The following NXPH2 variants were observed in gnomAD, a reference collection of about 807,000 sequenced individuals.
NXPH2 encodes the protein neurexophilin-2.
Under a neutral mutation model 19.8 loss-of-function variants are expected in NXPH2, and 5 were observed. That is an observed-to-expected ratio of 0.25 (90% CI 0.13 to 0.53). The LOEUF (loss-of-function observed/expected upper bound fraction) is 0.53, where lower values mean the gene tolerates loss of function less well. NXPH2 is among the 20% of genes least tolerant of loss of function. The probability of loss-of-function intolerance (pLI) is 0.96; values close to 1 mark genes in which losing one functional copy is unlikely to be tolerated. For synonymous variants in NXPH2, 154 were observed against 127.4 expected (o/e 1.21, Z -1.41); for missense variants, 289 against 322.8 (o/e 0.90, Z 0.80).
At chr2:138,773,313 C>A (rs1208314844) in intron 1 of NXPH2, among the ~76,000 whole-genome samples, 78 of 152,274 alleles carry the variant, frequency 5.1e-4, no homozygotes, top group Non-Finnish European at 7.4e-5. Flanking sequence ...ATTTCCATAG[C>A]CATATTCCTC....
At chr2:138,773,845 T>A (rs1682216661) in intron 1 of NXPH2, among the ~76,000 whole-genome samples, 1 of 152,326 alleles carries the variant, frequency 6.6e-6, no homozygotes, top group Non-Finnish European at 1.5e-5. Flanking sequence ...GACATTTACG[T>A]GCTTACAGTT....
chr2:138,680,866 G>A (rs1483484484), intron 1 of NXPH2, among the ~76,000 whole-genome samples: 1 of 152,184 alleles, frequency 6.6e-6, no homozygotes, highest in Non-Finnish European at 1.5e-5. Context: ...AATTACTAAT[G>A]AGAGTGTGAT....
chr2:138,688,109 A>C (rs1167597145), intron 1 of NXPH2, among the ~76,000 whole-genome samples: 1 of 152,146 alleles, frequency 6.6e-6, no homozygotes, highest in Non-Finnish European at 1.5e-5. Context: ...GATGGCATTG[A>C]ATCTATAAGT....
chr2:138,726,159 C>T (rs1043144142), intron 1 of NXPH2, among the ~76,000 whole-genome samples: 2 of 152,124 alleles, frequency 1.3e-5, no homozygotes, highest in African/African-American at 4.8e-5. Context: ...TCGCCTGCCT[C>T]GGCCTCCTGA....
chr2:138,717,445 G>T (rs113191990), intron 1 of NXPH2, among the ~76,000 whole-genome samples: 15 of 151,498 alleles, frequency 9.9e-5, no homozygotes, highest in African/African-American at 2.7e-4. Flanking sequence ...AGTGCCAGCC[G>T]ATTTGGTATC....
chr2:138,771,606 G>T (rs1012230447), intron 1 of NXPH2, among the ~76,000 whole-genome samples: 1 of 152,206 alleles, frequency 6.6e-6, no homozygotes, highest in South Asian at 2.1e-4. Context: ...GAGCAGGGCA[G>T]CTGGTGAAAG....
At chr2:138,746,236 T>C (rs930718418) in intron 1 of NXPH2, among the ~76,000 whole-genome samples, 1 of 152,228 alleles carries the variant, frequency 6.6e-6, no homozygotes, top group Non-Finnish European at 1.5e-5. Context: ...TATGGAGACT[T>C]CTTCACAGCT....
chr2:138,738,297 G>T (rs1403111638), intron 1 of NXPH2, among the ~76,000 whole-genome samples: 1 of 152,072 alleles, frequency 6.6e-6, no homozygotes, highest in Non-Finnish European at 1.5e-5. Flanking sequence ...ATAGCTCATG[G>T]AGGTATACTG....
At chr2:138,746,153 A>G (rs1302041594) in intron 1 of NXPH2, among the ~76,000 whole-genome samples, 3 of 152,226 alleles carry the variant, frequency 2.0e-5, no homozygotes, top group African/African-American at 7.2e-5. Context: ...CTGCACATTG[A>G]GCCTGCAATA....
At chr2:138,709,349 T>A (rs1002786040) in intron 1 of NXPH2, among the ~76,000 whole-genome samples, 1 of 152,188 alleles carries the variant, frequency 6.6e-6, no homozygotes, top group Admixed American at 6.5e-5. Context: ...AAATTTGTCA[T>A]CTTAACCATT....
intron 1 of NXPH2, among the ~76,000 whole-genome samples, chr2:138,679,489 C>T (rs1680538155): frequency 6.6e-6 from 1 of 151,862 alleles, no homozygotes; most frequent in Non-Finnish European, 1.5e-5. Context: ...CAAGCTCCAC[C>T]TCCCGGGTTC....
chr2:138,680,619 A>ACATCT (rs1420025694), intron 1 of NXPH2, among the ~76,000 whole-genome samples: 1 of 152,170 alleles, frequency 6.6e-6, no homozygotes, highest in Non-Finnish European at 1.5e-5. Context: ...ATATATATAT[A>ACATCT]CATCTCGGTA....
rs1013149184 is a variant in NXPH2, at chr2:138,732,690, G to A, written c.51+47501C>T. On this transcript the variant is annotated intron_variant, in intron 1 of 1. Coordinates refer to ENST00000272641, the MANE Select transcript of NXPH2 (RefSeq NM_007226.3). ...CTTCTTTGTCTAGGGTCTTTTAAAT[G>A]TTCCTCCTGCCAATATTCTGATTCT... Among the ~76,000 whole-genome samples the A allele has an allele frequency of 2.6e-5, 4 of 151,904 alleles. No individual in the cohort carries two copies. In the South Asian group the frequency reaches 8.3e-4, roughly 32 times the overall value.
At chr2:138,730,335 C>A (rs1042995260) in intron 1 of NXPH2, among the ~76,000 whole-genome samples, 1 of 152,062 alleles carries the variant, frequency 6.6e-6, no homozygotes, top group Non-Finnish European at 1.5e-5. Context: ...ATTGGGATTA[C>A]AGGTGTAAGC....
At chr2:138,779,821 T>C (rs1348932933) in intron 1 of NXPH2, among the ~76,000 whole-genome samples, 1 of 152,180 alleles carries the variant, frequency 6.6e-6, no homozygotes, top group Non-Finnish European at 1.5e-5. Context: ...CCTCTCAAAC[T>C]GTGAACAGGA....
At chr2:138,713,916 C>T (rs564079442) in intron 1 of NXPH2, among the ~76,000 whole-genome samples, 41 of 151,480 alleles carry the variant, frequency 2.7e-4, no homozygotes, top group African/African-American at 9.2e-4. Flanking sequence ...CCTATTGGCA[C>T]ATTCCTATTC....
chr2:138,692,451 C>G (rs778416455), intron 1 of NXPH2, among the ~76,000 whole-genome samples: 8 of 152,162 alleles, frequency 5.3e-5, no homozygotes, highest in African/African-American at 1.9e-4. Context: ...GCAACCCTCT[C>G]TCTGTTTTGT....
intron 1 of NXPH2, among the ~76,000 whole-genome samples, chr2:138,700,702 C>A (rs1680907560): frequency 6.6e-6 from 1 of 152,044 alleles, no homozygotes; most frequent in African/African-American, 2.4e-5. Flanking sequence ...AGACCAGCAC[C>A]TGCTGACCAT....
chr2:138,673,060 T>G (rs1166759633), intron 1 of NXPH2, among the ~76,000 whole-genome samples: 1 of 152,222 alleles, frequency 6.6e-6, no homozygotes, highest in Non-Finnish European at 1.5e-5. Flanking sequence ...TATTTTTTGC[T>G]TTGGTAAGGA....
Sources: allele counts gnomAD v4.1 joint callset (sites outside exome capture counted in the v4.1 genomes callset), GRCh38; gene constraint gnomAD v4.1.1; transcripts MANE v1.5; gene names NCBI Gene and HGNC (gene_info 2026-07-23, HGNC 2026-07-21).